Variants in CCDC149 observed in about 807,000 individuals in gnomAD.
CCDC149 encodes coiled-coil domain containing 149.
Under a neutral mutation model 59.9 loss-of-function variants are expected in CCDC149, and 45 were observed. The ratio of observed to expected loss-of-function variants is 0.75; its 90% CI spans 0.59 to 0.96. The LOEUF is 0.96. Among genes scored for constraint, CCDC149 ranks in the 40% least tolerant of loss-of-function variants. The pLI, the probability that CCDC149 is intolerant of heterozygous loss-of-function variation, is 0.00. For synonymous variants in CCDC149, 245 were observed against 260.6 expected (o/e 0.94, Z 0.58); for missense variants, 584 against 664.7 (o/e 0.88, Z 1.33).
intron 1 of CCDC149, among the ~76,000 whole-genome samples, chr4:24,968,055 G>C (rs901242992): frequency 1.3e-5 from 2 of 152,194 alleles, no homozygotes; most frequent in African/African-American, 4.8e-5. Context: ...ATCTGGGATT[G>C]GGATGATGCA....
chr4:24,903,377 C>T (rs1040363280), intron 1 of CCDC149, among the ~76,000 whole-genome samples: 4 of 152,228 alleles, frequency 2.6e-5, no homozygotes, highest in Non-Finnish European at 4.4e-5. Context: ...TAGTCAGTCT[C>T]CAAGAAGGAA....
At chr4:24,964,392 C>T (rs1021438999) in intron 1 of CCDC149, among the ~76,000 whole-genome samples, 6 of 152,128 alleles carry the variant, frequency 3.9e-5, no homozygotes, top group Admixed American at 1.3e-4. Context: ...CAACTGTGTT[C>T]CTGGCTACTG....
At position 24,834,928 on chromosome 4, in the gene CCDC149, C is replaced by T. The variant is rs754426699; in HGVS notation, c.820+20G>A. ...TATTTTACGCTCATGAGCGGTCTCT[C>T]CTGGAGCATGATATCCTACCTTGCT... is the stretch of plus-strand genomic sequence containing the variant. On this transcript the variant is annotated intron_variant, in intron 8 of 12. Coordinates refer to ENST00000635206, the MANE Select transcript of CCDC149 (RefSeq NM_001330643.2). 1.1e-5 allele frequency: 17 copies of T among 1,585,394 alleles called. No individual in the cohort carries two copies. In the South Asian group the frequency reaches 1.5e-4, roughly 14 times the overall value.
rs1423587380 is a variant in CCDC149 at position 24,808,848 on chromosome 4, C to A, written c.1193-29G>T. On this transcript the variant is annotated intron_variant, in intron 12 of 12. Transcript: ENST00000635206. ...AAAACAGAACGAGGACAACATTAAACCTCTGGCAGCAAATCAGCCCTCACC... is the reference window on the plus strand; with the variant it reads ...AAAACAGAACGAGGACAACATTAAAACTCTGGCAGCAAATCAGCCCTCACC... 3.3e-6 allele frequency: 5 copies of A among 1,513,478 alleles called. No individual in the cohort carries two copies. The African/African-American group carries it at 5.6e-5, about 17-fold the overall frequency. The allele number at this position is 1,513,478 out of a possible 1,614,324, so 93.8% of individuals were successfully genotyped here.
intron 3 of CCDC149, among the ~76,000 whole-genome samples, chr4:24,869,772 A>G (rs1038087406): frequency 2.0e-5 from 3 of 152,174 alleles, no homozygotes; most frequent in African/African-American, 4.8e-5. Context: ...ATTTATCCCC[A>G]TTTTATGGAT....
chr4:24,904,119 A>C (rs1721336962), intron 1 of CCDC149, among the ~76,000 whole-genome samples: 1 of 152,136 alleles, frequency 6.6e-6, no homozygotes, highest in African/African-American at 2.4e-5. Flanking sequence ...ACTTTTCAAA[A>C]ATTTCATGTA....
chr4:24,855,314 C>T (rs1422475714), intron 3 of CCDC149, among the ~76,000 whole-genome samples: 1 of 152,168 alleles, frequency 6.6e-6, no homozygotes, highest in Non-Finnish European at 1.5e-5. Flanking sequence ...CCTGTAATCC[C>T]AGCCCTTCGG....
chr4:24,889,997 G>A (rs745496881), intron 1 of CCDC149, among the ~76,000 whole-genome samples: 36 of 152,152 alleles, frequency 2.4e-4, no homozygotes, highest in Non-Finnish European at 4.1e-4. Flanking sequence ...GTTACAGGGT[G>A]GCATTTGCAG....
At chr4:24,895,548 C>T (rs1269033597) in intron 1 of CCDC149, among the ~76,000 whole-genome samples, 1 of 152,168 alleles carries the variant, frequency 6.6e-6, no homozygotes, top group Non-Finnish European at 1.5e-5. Context: ...TTAAAATCCA[C>T]TGTTACCCAA....
At chr4:24,943,619 G>A (rs1348322086) in intron 1 of CCDC149, among the ~76,000 whole-genome samples, 2 of 152,202 alleles carry the variant, frequency 1.3e-5, no homozygotes, top group Non-Finnish European at 2.9e-5. Context: ...CACCATCAGA[G>A]TGAACAGGCA....
At chr4:24,964,006 G>C (rs1216001892) in intron 1 of CCDC149, among the ~76,000 whole-genome samples, 1 of 152,102 alleles carries the variant, frequency 6.6e-6, no homozygotes, top group Non-Finnish European at 1.5e-5. Flanking sequence ...GCCAGCCTGG[G>C]AAATATAGTG....
At chr4:24,900,493 TGTATCAGTGCCCTGCCTCAGGTCCTGC>T (rs1721105348) in intron 1 of CCDC149, among the ~76,000 whole-genome samples, 1 of 152,220 alleles carries the variant, frequency 6.6e-6, no homozygotes, top group Non-Finnish European at 1.5e-5. Flanking sequence ...TTCTGTACTC[TGTATCAGTGCCCTGCCTCAGGTCCTGC>T]ACTACCTGAG....
At chr4:24,817,640 T>C (rs1043667095) in intron 12 of CCDC149, among the ~76,000 whole-genome samples, 1 of 151,096 alleles carries the variant, frequency 6.6e-6, no homozygotes, top group African/African-American at 2.4e-5. Flanking sequence ...TTGGGTCAGA[T>C]GGGCGGTTCC....
chr4:24,907,825 G>A (rs1721622562), intron 1 of CCDC149, among the ~76,000 whole-genome samples: 1 of 152,148 alleles, frequency 6.6e-6, no homozygotes, highest in South Asian at 2.1e-4. Flanking sequence ...GCAGGACTGT[G>A]TTCCCCAGTG....
At chr4:24,868,820 G>A (rs924034083) in intron 3 of CCDC149, among the ~76,000 whole-genome samples, 7 of 152,168 alleles carry the variant, frequency 4.6e-5, no homozygotes, top group African/African-American at 1.7e-4. Context: ...AGTTACCAGC[G>A]TGAGCTCTGA....
intron 1 of CCDC149, among the ~76,000 whole-genome samples, chr4:24,940,810 T>A (rs1467233834): frequency 1.3e-5 from 2 of 152,142 alleles, no homozygotes; most frequent in Non-Finnish European, 2.9e-5. Context: ...GGCCATGACA[T>A]AATGGTAAAG....
chr4:24,875,503 A>ATT (rs34722418), intron 2 of CCDC149, among the ~76,000 whole-genome samples: 65 of 144,170 alleles, frequency 4.5e-4, no homozygotes, highest in Middle Eastern at 3.5e-3. Context: ...TTCTCCATGA[A>ATT]TTTTTTTTTT....
intron 1 of CCDC149, among the ~76,000 whole-genome samples, chr4:24,964,921 A>G (rs920890117): frequency 6.9e-6 from 1 of 144,648 alleles, no homozygotes; most frequent in African/African-American, 2.8e-5. Flanking sequence ...AAAGAACTGT[A>G]CTTGCTTCAA....
chr4:24,835,127 C>T, intron 7 of CCDC149, 95 bp from the exon 8 acceptor site: 1 of 746,830 alleles, frequency 1.3e-6, no homozygotes, highest in Admixed American at 2.1e-5. Context: ...CCACAAGAAC[C>T]CCTTGCAAAC....
Sources: allele counts gnomAD v4.1 joint callset (sites outside exome capture counted in the v4.1 genomes callset), GRCh38; gene constraint gnomAD v4.1.1; transcripts MANE v1.5; gene names NCBI Gene and HGNC (gene_info 2026-07-23, HGNC 2026-07-21).